Variants in THEMIS observed in about 807,000 individuals in gnomAD.
THEMIS encodes protein THEMIS.
In THEMIS, 37 loss-of-function variants were observed where a neutral mutation model predicts 52.6. The observed-to-expected ratio is 0.70, with a 90% CI of 0.54 to 0.93. The LOEUF (loss-of-function observed/expected upper bound fraction) is 0.93, where lower values mean the gene tolerates loss of function less well. Ranked by LOEUF, THEMIS falls within the 40% of genes least tolerant of loss-of-function variation. The probability of loss-of-function intolerance (pLI) is 0.00; values close to 1 mark genes in which losing one functional copy is unlikely to be tolerated. For missense variants in THEMIS, 808 were observed against 763.1 expected (o/e 1.06, Z -0.69); for synonymous variants, 292 against 272.7 (o/e 1.07, Z -0.70).
intron 4 of THEMIS, among the ~76,000 whole-genome samples, chr6:127,733,615 C>T (rs374444003): frequency 6.6e-5 from 10 of 152,088 alleles, no homozygotes; most frequent in African/African-American, 1.2e-4. Context: ...ACCAGCTTTA[C>T]GAGAAAGAAA....
chr6:127,883,342 G>A (rs955174501), intron 1 of THEMIS, among the ~76,000 whole-genome samples: 3 of 151,554 alleles, frequency 2.0e-5, no homozygotes, highest in African/African-American at 4.8e-5. Context: ...CTAAAAAAAT[G>A]CAAATAATAT....
intron 4 of THEMIS, among the ~76,000 whole-genome samples, chr6:127,793,891 C>T (rs1583285025): frequency 6.6e-6 from 1 of 152,148 alleles, no homozygotes; most frequent in South Asian, 2.1e-4. Context: ...GGGCGAGAAC[C>T]ATATTCTCCA....
rs536525770 is a variant in THEMIS at position 127,708,990 on chromosome 6, C to G, written c.*995G>C. 1 of 151,838 alleles carries G rather than the reference C, an allele frequency of 6.6e-6. No homozygotes were observed. Among genetic ancestry groups the G allele is most frequent in the Non-Finnish European group, 1.5e-5 (1 of 67,912 alleles). 9.4% of individuals were successfully genotyped at this position (151,838 alleles called of 1,614,324 possible). A position where few individuals can be genotyped will look rare whatever the true frequency, so the allele number is the denominator to read the frequency against. On this transcript the variant is annotated 3_prime_UTR_variant, in exon 6 of 6. Transcript: ENST00000368248. The stretch of plus-strand genomic sequence containing the variant: ...TTCCTATGTAACATTAACCAGATAG[C>G]CTGTCTCTTCATTTTGTTAAAGGAA...
intron 4 of THEMIS, among the ~76,000 whole-genome samples, chr6:127,797,906 T>TG (rs1028773423): frequency 6.6e-6 from 1 of 152,238 alleles, no homozygotes; most frequent in African/African-American, 2.4e-5. Flanking sequence ...TACACAGTTC[T>TG]GCAGCTCACT....
chr6:127,813,166 A>G lies in THEMIS; in HGVS notation c.1475T>C (p.Ile492Thr). ...CTCCGTGGGGTTGGCAAAGTCACTT[A>G]TGAGTAGGTAAGAGTCTGTAATGTC... is the stretch of plus-strand genomic sequence containing the variant. ...EEDITDSYLL[I>T]SDFANPTECW... Residue 492 changes from isoleucine (I) to threonine (T), a missense_variant, in exon 4 of 6, where the codon ATA (isoleucine) becomes ACA (threonine). Transcript: ENST00000368248. 6.2e-7 allele frequency: 1 copy of G among 1,614,060 alleles called. No homozygotes were observed. Among genetic ancestry groups the G allele is most frequent in the Non-Finnish European group, 8.5e-7 (1 of 1,179,992 alleles).
At chr6:127,784,662 A>G (rs1776862470) in intron 4 of THEMIS, among the ~76,000 whole-genome samples, 1 of 152,108 alleles carries the variant, frequency 6.6e-6, no homozygotes, top group African/African-American at 2.4e-5. Context: ...TTGTTTTTTA[A>G]TGTCATGGCT....
At chr6:127,712,827 A>C (rs527833102) in intron 5 of THEMIS, among the ~76,000 whole-genome samples, 1 of 152,064 alleles carries the variant, frequency 6.6e-6, no homozygotes, top group East Asian at 1.9e-4. Context: ...ATAAAATTAC[A>C]TGGGTAATTA....
At chr6:127,857,948 A>T (rs1779673037) in intron 1 of THEMIS, among the ~76,000 whole-genome samples, 1 of 152,068 alleles carries the variant, frequency 6.6e-6, no homozygotes. Flanking sequence ...TAAAGAAGCA[A>T]ATAGTAAAAT....
At chr6:127,799,424 G>C (rs1163337911) in intron 4 of THEMIS, among the ~76,000 whole-genome samples, 1 of 152,146 alleles carries the variant, frequency 6.6e-6, no homozygotes, top group Non-Finnish European at 1.5e-5. Flanking sequence ...AATAAAAAAG[G>C]AAGGACTGTT....
intron 4 of THEMIS, among the ~76,000 whole-genome samples, chr6:127,793,077 A>C (rs1777211679): frequency 6.6e-6 from 1 of 152,228 alleles, no homozygotes; most frequent in Admixed American, 6.5e-5. Flanking sequence ...GAAATAAGGG[A>C]AACAATATTG....
intron 4 of THEMIS, among the ~76,000 whole-genome samples, chr6:127,728,719 T>C (rs1433322991): frequency 6.6e-6 from 1 of 151,952 alleles, no homozygotes; most frequent in Non-Finnish European, 1.5e-5. Flanking sequence ...TGTGTGTGAG[T>C]TGGGATTGGG....
chr6:127,917,026 G>T (rs1006663712), intron 1 of THEMIS, among the ~76,000 whole-genome samples: 2 of 152,338 alleles, frequency 1.3e-5, no homozygotes, highest in Admixed American at 6.5e-5. Context: ...TTTTGCAAAA[G>T]CATTGATGTT....
At chr6:127,894,858 A>G (rs1053227698) in intron 1 of THEMIS, among the ~76,000 whole-genome samples, 1 of 151,384 alleles carries the variant, frequency 6.6e-6, no homozygotes, top group Non-Finnish European at 1.5e-5. Flanking sequence ...TCTTAAATCT[A>G]AAATGAATAA....
intron 4 of THEMIS, among the ~76,000 whole-genome samples, chr6:127,800,267 T>A (rs1562265344): frequency 2.0e-5 from 3 of 152,236 alleles, no homozygotes; most frequent in Non-Finnish European, 2.9e-5. Flanking sequence ...TTAGATTTTT[T>A]AATATATTTC....
chr6:127,812,163 C>T (rs1420482010), intron 4 of THEMIS, among the ~76,000 whole-genome samples: 3 of 152,152 alleles, frequency 2.0e-5, no homozygotes, highest in South Asian at 2.1e-4. Context: ...TAAGGGCAAG[C>T]GCTTTGCAGG....
intron 4 of THEMIS, among the ~76,000 whole-genome samples, chr6:127,808,404 C>G (rs1340139107): frequency 6.6e-6 from 1 of 152,108 alleles, no homozygotes; most frequent in Non-Finnish European, 1.5e-5. Flanking sequence ...ATCTACCTGA[C>G]AACATTTCTA....
At chr6:127,884,678 C>T (rs2114444338) in intron 1 of THEMIS, among the ~76,000 whole-genome samples, 1 of 152,264 alleles carries the variant, frequency 6.6e-6, no homozygotes, top group Non-Finnish European at 1.5e-5. Context: ...CTAATATACT[C>T]ATCTGAGATG....
At chr6:127,904,025 G>A (rs1781209618), upstream of THEMIS, among the ~76,000 whole-genome samples, 1 of 152,048 alleles carries the variant, frequency 6.6e-6, no homozygotes, top group Admixed American at 6.6e-5. Flanking sequence ...TTTCCCTCAA[G>A]GCTTTTATGG....
At position 127,855,092 on chromosome 6, in the gene THEMIS, A is replaced by G. The variant is rs951154369; in HGVS notation, c.188T>C (p.Ile63Thr). 2 of 1,611,342 alleles carry G rather than the reference A, an allele frequency of 1.2e-6. No homozygotes were observed. The highest frequency in any genetic ancestry group is 1.7e-6 in the Non-Finnish European group (2 of 1,178,586). ...CTCACAACCTTCAATCTGCTCACAAATTTCAGCTATGATCTTCTTAACTTT... is the reference window on the plus strand; with the variant it reads ...CTCACAACCTTCAATCTGCTCACAAGTTTCAGCTATGATCTTCTTAACTTT... The part of the protein sequence containing the change: ...GLKVKKIIAE[I>T]CEQIEGCESL... Residue 63 changes from isoleucine (I) to threonine (T), a missense_variant, in exon 2 of 6, where the codon ATT (isoleucine) becomes ACT (threonine). By Grantham distance (89) the Ile-to-Thr change is moderately conservative (BLOSUM62 -1). Transcript: ENST00000368248.
Sources: allele counts gnomAD v4.1 joint callset (sites outside exome capture counted in the v4.1 genomes callset), GRCh38; gene constraint gnomAD v4.1.1; transcripts MANE v1.5; gene names NCBI Gene and HGNC (gene_info 2026-07-23, HGNC 2026-07-21).